MYOF: variants seen among roughly 807,000 people sequenced by gnomAD.
MYOF encodes fer-1-like 3, myoferlin.
MYOF carries 244 observed loss-of-function variants against 284.2 expected under a neutral mutation model. The ratio of observed to expected loss-of-function variants is 0.86; its 90% CI spans 0.77 to 0.95. The LOEUF is 0.95. Ranked by LOEUF, MYOF falls within the 40% of genes least tolerant of loss-of-function variation. MYOF has a pLI of 0.00. For missense variants in MYOF, 2,496 were observed against 2,560.6 expected (o/e 0.97, Z 0.54); for synonymous variants, 904 against 919.7 (o/e 0.98, Z 0.31).
intron 13 of MYOF, among the ~76,000 whole-genome samples, chr10:93,397,921 G>A (rs1055959758): frequency 1.1e-4 from 16 of 151,986 alleles, no homozygotes; most frequent in African/African-American, 3.4e-4. Context: ...TGACACTTCC[G>A]TCTTCAAGCA....
intron 4 of MYOF, among the ~76,000 whole-genome samples, chr10:93,427,404 G>A (rs997887636): frequency 1.5e-4 from 23 of 151,732 alleles, no homozygotes; most frequent in African/African-American, 2.9e-4. Flanking sequence ...GGTGGCAGGT[G>A]CCTGTAATCC....
rs1052864003 is a variant in MYOF at position 93,399,441 on chromosome 10, T to C, written c.1172A>G (p.Lys391Arg). 1 of 1,613,890 alleles carries C rather than the reference T, an allele frequency of 6.2e-7. No individual in the cohort carries two copies. The highest frequency in any genetic ancestry group is 1.3e-5 in the African/African-American group (1 of 74,946). The change falls in exon 13 of 54, where the codon AAG becomes AGG. Residue 391 changes from lysine (K) to arginine (R), a missense_variant. Around this residue, in one of 3 missense-constraint regions of MYOF, gnomAD observed 2,436 missense variants for 2,480.7 expected, o/e 0.98. Coordinates refer to ENST00000359263, the MANE Select transcript of MYOF (RefSeq NM_013451.4). The part of the protein sequence containing the change: ...VKEIFGGNAD[K>R]KNLVDPFVEV... ...TACAAAAGGATCCACGAGATTTTTCTTATCTGCATTGCCTCCAAATATTTC... is the reference window on the plus strand; with the variant it reads ...TACAAAAGGATCCACGAGATTTTTCCTATCTGCATTGCCTCCAAATATTTC...
intron 19 of MYOF, among the ~76,000 whole-genome samples, chr10:93,384,395 T>C (rs1846261851): frequency 6.6e-6 from 1 of 152,170 alleles, no homozygotes; most frequent in Non-Finnish European, 1.5e-5. Context: ...ATCCCAGCAC[T>C]TTGGGAGGCC....
At chr10:93,315,421 A>G (rs201133925) in intron 50 of MYOF, among the ~76,000 whole-genome samples, 1 of 151,994 alleles carries the variant, frequency 6.6e-6, no homozygotes, top group Admixed American at 6.6e-5. Context: ...GGGCGTGGGG[A>G]GAAAAGAGAG....
At chr10:93,357,003 AAAAC>A (rs1844839210) in intron 29 of MYOF, among the ~76,000 whole-genome samples, 155 bp from the exon 30 acceptor site, 1 of 152,220 alleles carries the variant, frequency 6.6e-6, no homozygotes, top group Admixed American at 6.5e-5. Context: ...AGAAAAGAAA[AAAAC>A]AGACAGGACC....
At chr10:93,444,712 C>T (rs983906234) in intron 3 of MYOF, among the ~76,000 whole-genome samples, 4 of 152,376 alleles carry the variant, frequency 2.6e-5, no homozygotes, top group South Asian at 4.1e-4. Context: ...AAAAACTCTA[C>T]GCAGTACCTC....
At chr10:93,323,709 A>G in intron 46 of MYOF, 1 of 254,484 alleles carries the variant, frequency 3.9e-6, no homozygotes, top group Non-Finnish European at 7.5e-6. Context: ...GCACACACAC[A>G]CACACGCGCG....
At chr10:93,381,587 C>T (rs1026852917) in intron 19 of MYOF, among the ~76,000 whole-genome samples, 191 bp from the exon 20 acceptor site, 10 of 152,162 alleles carry the variant, frequency 6.6e-5, no homozygotes, top group Non-Finnish European at 1.0e-4. Flanking sequence ...TAGGATGTTC[C>T]TGGCAGCATT....
intron 50 of MYOF, among the ~76,000 whole-genome samples, chr10:93,314,899 A>G (rs1218443110): frequency 2.0e-5 from 3 of 151,132 alleles, no homozygotes; most frequent in African/African-American, 7.3e-5. Flanking sequence ...ACATACACAA[A>G]ATTATCCAGG....
chr10:93,421,709 C>T (rs187411352), intron 5 of MYOF, among the ~76,000 whole-genome samples: 1 of 152,296 alleles, frequency 6.6e-6, no homozygotes, highest in Non-Finnish European at 1.5e-5. Context: ...TCCCCTTCCC[C>T]TTCCCCCATG....
At chr10:93,392,060 A>G (rs761565301) in intron 17 of MYOF, among the ~76,000 whole-genome samples, 17 of 152,258 alleles carry the variant, frequency 1.1e-4, no homozygotes, top group Admixed American at 2.0e-4. Context: ...AAAGGAATAA[A>G]GTGCTTGCAC....
chr10:93,366,388 T>C lies in MYOF; in HGVS notation c.2753+4A>G. ...CCTTTTTACTCAGAAAATGGACAAC[T>C]TACCTTCTTTCAGGATCAACTATCC... On this transcript the variant is annotated splice_donor_region_variant and intron_variant, in intron 26 of 53. Coordinates refer to ENST00000359263, the MANE Select transcript of MYOF (RefSeq NM_013451.4). The C allele has an allele frequency of 6.2e-7, 1 of 1,610,526 alleles. No individual in the cohort carries two copies. Among genetic ancestry groups the C allele is most frequent in the Non-Finnish European group, 8.5e-7 (1 of 1,179,226 alleles).
chr10:93,400,141 A>T (rs184712614), intron 12 of MYOF, among the ~76,000 whole-genome samples: 1 of 152,182 alleles, frequency 6.6e-6, no homozygotes, highest in African/African-American at 2.4e-5. Flanking sequence ...CCTGCTTTCA[A>T]TTGGGAGAAA....
At chr10:93,471,137 TTTACA>T (rs1009461554) in intron 1 of MYOF, among the ~76,000 whole-genome samples, 2 of 152,028 alleles carry the variant, frequency 1.3e-5, no homozygotes, top group African/African-American at 4.8e-5. Flanking sequence ...TTTTTAATAC[TTTACA>T]TTACAAGAAG....
rs2134098667 is a variant in MYOF at position 93,404,031 on chromosome 10, C to G, written c.835G>C (p.Glu279Gln). 1 of 1,613,918 alleles carries G rather than the reference C, an allele frequency of 6.2e-7. No homozygotes were observed. Among genetic ancestry groups the G allele is most frequent in the Non-Finnish European group, 8.5e-7 (1 of 1,179,866 alleles). The change falls in exon 9 of 54, where the codon GAA becomes CAA. Residue 279 changes from glutamate (E) to glutamine (Q), a missense_variant. By Grantham distance (29) the Glu-to-Gln change is conservative. This residue lies in a region of MYOF where 2,436 missense variants were observed against 2,480.7 expected (regional missense o/e 0.98). Transcript: ENST00000359263. ...AGACTGTTGTCACTCACCTTAAATT[C>G]CCCCATCAGACAATCTGCCCGCAGA... ...HSLRADCLMG[E>Q]FKIDVGFVYD... is the part of the protein sequence containing the mutation.
intron 46 of MYOF, chr10:93,323,611 C>T: frequency 2.0e-6 from 1 of 494,268 alleles, no homozygotes; most frequent in Non-Finnish European, 3.6e-6. Flanking sequence ...GTATCATAGT[C>T]TGGGTCTCGC....
chr10:93,391,493 G>T (rs1216448495), intron 17 of MYOF, among the ~76,000 whole-genome samples: 2 of 152,114 alleles, frequency 1.3e-5, no homozygotes, highest in African/African-American at 2.4e-5. Flanking sequence ...TACTAGGGAG[G>T]CTGGGCCAGG....
chr10:93,385,224 A>C (rs1339461142), intron 19 of MYOF, among the ~76,000 whole-genome samples: 1 of 152,216 alleles, frequency 6.6e-6, no homozygotes. Flanking sequence ...GAGGTTCCAG[A>C]AGCCAGCGGG....
chr10:93,322,603 G>T (rs1842889963), intron 48 of MYOF, among the ~76,000 whole-genome samples: 1 of 152,214 alleles, frequency 6.6e-6, no homozygotes, highest in Non-Finnish European at 1.5e-5. Context: ...CTCAGTGCAG[G>T]TTGGGAGAAT....
Sources: allele counts gnomAD v4.1 joint callset (sites outside exome capture counted in the v4.1 genomes callset), GRCh38; gene constraint gnomAD v4.1.1; regional missense constraint gnomAD v4.1.1; transcripts MANE v1.5; gene names NCBI Gene and HGNC (gene_info 2026-07-23, HGNC 2026-07-21).